ANKRD36: variants seen among roughly 807,000 people sequenced by gnomAD.
ANKRD36 encodes the protein ankyrin repeat domain 36.
A neutral mutation model predicts 278.1 loss-of-function variants in ANKRD36; 179 were observed. The observed-to-expected ratio is 0.64, with a 90% confidence interval of 0.57 to 0.73. The LOEUF (loss-of-function observed/expected upper bound fraction) is 0.73. Ranked by LOEUF, ANKRD36 falls within the 30% of genes least tolerant of loss-of-function variation. ANKRD36 has a pLI of 0.00. For synonymous variants in ANKRD36, 320 were observed against 641.1 expected, an observed-to-expected ratio of 0.50 and a Z score of 7.57; for missense variants, 1,159 against 1,956.7, an observed-to-expected ratio of 0.59 and a Z score of 7.69.
At chr2:97,127,429 A>G (rs1447307265) in intron 6 of ANKRD36, among the ~76,000 whole-genome samples, 1 of 151,936 alleles carries the variant, frequency 6.6e-6, no homozygotes, top group East Asian at 1.9e-4. Context: ...ATGTTTTTTT[A>G]TAGTCACATA....
Position 97,196,862 on chromosome 2 carries a change from CG to C in ANKRD36, c.2653+80del, listed in dbSNP as rs1276362202. 27 of 1,532,996 alleles carry C rather than the reference CG, an allele frequency of 1.8e-5. No individual in the cohort carries two copies. The East Asian group carries it at 5.9e-4, about 33-fold the overall frequency. The allele number at this position is 1,532,996 out of a possible 1,614,324, so 95.0% of individuals were successfully genotyped here. On this transcript the variant is annotated intron_variant, in intron 42 of 75. Transcript: ENST00000420699. The stretch of plus-strand genomic sequence containing the variant: ...AAGTTCTCTTCCCCAAATAAATCAG[CG>C]GGGGGCTCATCGAAGCTGCACTTTC...
At chr2:97,144,591 T>A in intron 9 of ANKRD36, 45 bp downstream of exon 9, 2 of 1,567,152 alleles carry the variant, frequency 1.3e-6, no homozygotes, top group Non-Finnish European at 1.7e-6. Context: ...CTGTATAGTC[T>A]ATGGAATATA....
Position 97,211,729 on chromosome 2 carries a change from A to T in ANKRD36, c.3457A>T (p.Ile1153Leu). 1.3e-6 allele frequency: 2 copies of T among 1,584,046 alleles called. No homozygotes were observed. The highest frequency in any genetic ancestry group is 2.3e-5 in the South Asian group (2 of 86,502). Reference protein sequence around the residue: ...NMATEKKDEQISGTVSCQKQP... With the variant: ...NMATEKKDEQLSGTVSCQKQP... ...GGCCACGGAAAAAAAGGATGAACAA[A>T]TATCTGGGACAGGTAATTTTGCAAA... The change falls in exon 58 of 76, where the codon ATA becomes TTA. Residue 1153 changes from isoleucine (I) to leucine (L), a missense_variant. Transcript: ENST00000420699.
At chr2:97,117,706 TAGAA>T (rs2035867795) in intron 1 of ANKRD36, among the ~76,000 whole-genome samples, 1 of 152,094 alleles carries the variant, frequency 6.6e-6, no homozygotes, top group East Asian at 1.9e-4. Flanking sequence ...TTATTTGTGT[TAGAA>T]AGTGTTCTAA....
chr2:97,191,103 A>G lies in ANKRD36; in HGVS notation c.2275-6A>G, dbSNP rs1235115302. The G allele has an allele frequency of 3.8e-6, 6 of 1,595,862 alleles. No homozygotes were observed. In the South Asian group the frequency reaches 4.5e-5, roughly 12 times the overall value. On this transcript the variant is annotated splice_polypyrimidine_tract_variant and splice_region_variant and intron_variant, in intron 35 of 75. Coordinates refer to ENST00000420699, the MANE Select transcript of ANKRD36 (RefSeq NM_001354587.1). ...TATTTATTACTTTCTTTCAAATTCCATTCAGGCTACAACTGATGAGAAAGA... is the reference window on the plus strand; with the variant it reads ...TATTTATTACTTTCTTTCAAATTCCGTTCAGGCTACAACTGATGAGAAAGA...
chr2:97,181,212 A>C (rs1360777219), intron 24 of ANKRD36, among the ~76,000 whole-genome samples: 1 of 151,678 alleles, frequency 6.6e-6, no homozygotes, highest in African/African-American at 2.4e-5. Flanking sequence ...ATAATGGTGT[A>C]AATCCTTCTG....
intron 54 of ANKRD36, among the ~76,000 whole-genome samples, chr2:97,208,579 T>C (rs2063502722): frequency 6.8e-6 from 1 of 146,188 alleles, no homozygotes; most frequent in South Asian, 2.1e-4. Flanking sequence ...ATAAAAAATA[T>C]TTGCTTTTAG....
chr2:97,200,655 A>G lies in ANKRD36; in HGVS notation c.2857+130A>G, dbSNP rs2061105563. On this transcript the variant is annotated intron_variant, in intron 46 of 75. Transcript: ENST00000420699. ...CCAAGCTTGAGATTCTTCTTTTCTA[A>G]CAAGTTCTTGGGTTATGCTGATGCT... 12 of 1,432,768 alleles carry G rather than the reference A, an allele frequency of 8.4e-6. 1 individual carries two copies. In the South Asian group the frequency reaches 1.6e-4, roughly 19 times the overall value. 88.8% of individuals were successfully genotyped at this position (1,432,768 alleles called of 1,614,324 possible).
At chr2:97,235,314 G>A (rs1178614919) in intron 68 of ANKRD36, among the ~76,000 whole-genome samples, 11 of 150,748 alleles carry the variant, frequency 7.3e-5, no homozygotes, top group Non-Finnish European at 1.5e-4. Context: ...TCAGTCATAA[G>A]CTGGTTGCTT....
intron 67 of ANKRD36, among the ~76,000 whole-genome samples, chr2:97,232,935 T>C (rs1464595977): frequency 4.0e-5 from 6 of 151,820 alleles, no homozygotes; most frequent in African/African-American, 7.3e-5. Flanking sequence ...ATCGGACATA[T>C]GCCTCAATTT....
chr2:97,130,651 T>G (rs1468397540), intron 6 of ANKRD36, among the ~76,000 whole-genome samples: 1 of 151,552 alleles, frequency 6.6e-6, no homozygotes, highest in African/African-American at 2.4e-5. Flanking sequence ...TTTATAATAA[T>G]GTCATGGAGA....
intron 18 of ANKRD36, 140 bp from the exon 19 acceptor site, chr2:97,164,143 A>G: frequency 6.8e-7 from 1 of 1,480,748 alleles, no homozygotes; most frequent in Non-Finnish European, 8.9e-7. Context: ...CCAAAACAAG[A>G]GCAAAGCAAC....
rs748707449 is a variant in ANKRD36 at position 97,187,218 on chromosome 2, G to A, written c.2062G>A (p.Ala688Thr). 6.2e-7 allele frequency: 1 copy of A among 1,609,752 alleles called. No individual in the cohort carries two copies. Among genetic ancestry groups the A allele is most frequent in the South Asian group, 1.1e-5 (1 of 90,792 alleles). Reference sequence around the variant, plus strand: ...TTCAGTGTCTTCTCAGAAACAACCAGCCTTGAAGGTAATTAAACTCTCATT... The same window carrying A: ...TTCAGTGTCTTCTCAGAAACAACCAACCTTGAAGGTAATTAAACTCTCATT... ...CGTVSSQKQP[A>T]LKATTDEEDS... The change falls in exon 31 of 76, where the codon GCC (alanine) becomes ACC (threonine). Residue 688 changes from alanine (A) to threonine (T), a missense_variant. Physicochemically the swap from Ala to Thr is moderately conservative, Grantham distance 58 (BLOSUM62 0). Transcript: ENST00000420699.
At chr2:97,200,798 T>G (rs1452103641) in intron 46 of ANKRD36, among the ~76,000 whole-genome samples, 2 of 151,906 alleles carry the variant, frequency 1.3e-5, no homozygotes, top group Non-Finnish European at 2.9e-5. Flanking sequence ...AGCATAATTT[T>G]GCTTTAATTC....
intron 22 of ANKRD36, among the ~76,000 whole-genome samples, chr2:97,172,367 G>A (rs1040330155): frequency 1.3e-5 from 2 of 151,894 alleles, no homozygotes; most frequent in Non-Finnish European, 1.5e-5. Flanking sequence ...GCCATGTGAT[G>A]ACTACAGCAT....
intron 26 of ANKRD36, 28 bp from the exon 27 acceptor site, chr2:97,183,431 T>C: frequency 1.3e-6 from 2 of 1,543,064 alleles, no homozygotes; most frequent in Non-Finnish European, 1.8e-6. Context: ...TTACATATGA[T>C]GGATTATATA....
At chr2:97,260,379 T>TATATAC (rs1315601255) in intron 75 of ANKRD36, among the ~76,000 whole-genome samples, 2,216 of 120,534 alleles carry the variant, frequency 0.018, 29 homozygotes, top group African/African-American at 0.064. Context: ...TATATATATA[T>TATATAC]ACACACATAT....
intron 22 of ANKRD36, among the ~76,000 whole-genome samples, chr2:97,172,120 C>G (rs770034124): frequency 2.0e-5 from 3 of 151,744 alleles, no homozygotes; most frequent in Non-Finnish European, 2.9e-5. Context: ...TAATCAAGAG[C>G]TTGAATTAAT....
chr2:97,118,007 G>A lies in ANKRD36; in HGVS notation c.198-57G>A, dbSNP rs2443939. ...ATATTTGTTTTGAAGACAGAGAAATGACATGCTAATTAATGCTTACAGTTA... is the reference window on the plus strand; with the variant it reads ...ATATTTGTTTTGAAGACAGAGAAATAACATGCTAATTAATGCTTACAGTTA... On this transcript the variant is annotated intron_variant, in intron 1 of 75. Transcript: ENST00000420699. The A allele has an allele frequency of 4.2e-4, 645 of 1,530,504 alleles. 2 individuals are homozygous for A. The African/African-American group carries it at 7.9e-3, about 19-fold the overall frequency. The allele number at this position is 1,530,504 out of a possible 1,614,324, so 94.8% of individuals were successfully genotyped here.
Sources: gnomAD v4.1 joint callset for allele counts (sites outside exome capture counted in the v4.1 genomes callset) on GRCh38, gnomAD v4.1.1 for gene constraint, MANE v1.5 for transcripts, NCBI Gene and HGNC (gene_info 2026-07-23, HGNC 2026-07-21) for gene names.